Variants in NBEA observed in about 807,000 individuals in gnomAD.
NBEA encodes lysosomal-trafficking regulator 2.
In NBEA, 44 loss-of-function variants were observed where a neutral mutation model predicts 343.4. That is an observed-to-expected ratio of 0.13 (90% CI 0.10 to 0.16). The LOEUF (loss-of-function observed/expected upper bound fraction) is 0.16, where lower values mean the gene tolerates loss of function less well. NBEA is among the 10% of genes least tolerant of loss of function. The probability of loss-of-function intolerance (pLI) is 1.00; values close to 1 mark genes in which losing one functional copy is unlikely to be tolerated. For missense variants in NBEA, 2,555 were observed against 3,631.3 expected (o/e 0.70, Z 7.62); for synonymous variants, 1,175 against 1,238.7 (o/e 0.95, Z 1.08).
chr13:35,054,811 T>C (rs1407590487), intron 6 of NBEA, among the ~76,000 whole-genome samples: 1 of 151,824 alleles, frequency 6.6e-6, no homozygotes, highest in Admixed American at 6.6e-5. Context: ...GCCTGGCTAA[T>C]TTTTGTATTT....
intron 44 of NBEA, among the ~76,000 whole-genome samples, chr13:35,563,131 G>GGAGATAGATAGATAGATA (rs777193081): frequency 0.19 from 20,899 of 107,990 alleles, 1,964 homozygotes; most frequent in Non-Finnish European, 0.26. Context: ...GTGTGTGTGT[G>GGAGATAGATAGATAGATA]GAGATAGATA....
chr13:35,306,814 A>G (rs1387505486), intron 35 of NBEA, among the ~76,000 whole-genome samples: 4 of 151,882 alleles, frequency 2.6e-5, no homozygotes, highest in African/African-American at 7.2e-5. Context: ...GTCCCTTTCT[A>G]TTGCCTCTTT....
At chr13:35,587,817 C>T (rs932954320) in intron 46 of NBEA, among the ~76,000 whole-genome samples, 1 of 152,088 alleles carries the variant, frequency 6.6e-6, no homozygotes, top group Non-Finnish European at 1.5e-5. Context: ...GGAATTCAAA[C>T]TTGAATCTAT....
intron 33 of NBEA, among the ~76,000 whole-genome samples, chr13:35,230,909 T>C (rs2074935931): frequency 6.6e-6 from 1 of 152,040 alleles, no homozygotes; most frequent in Admixed American, 6.6e-5. Flanking sequence ...AGGGTGGGGC[T>C]CAGCAGTCTG....
chr13:35,322,692 A>T (rs982155434), intron 36 of NBEA, among the ~76,000 whole-genome samples: 2 of 152,214 alleles, frequency 1.3e-5, no homozygotes, highest in African/African-American at 4.8e-5. Flanking sequence ...AATTACCTGC[A>T]TACATCTTAA....
chr13:35,295,428 G>A (rs1305396114), intron 35 of NBEA, among the ~76,000 whole-genome samples: 1 of 151,908 alleles, frequency 6.6e-6, no homozygotes, highest in Non-Finnish European at 1.5e-5. Flanking sequence ...TCTTATCTGT[G>A]ATATAATGTC....
chr13:35,219,652 A>T (rs898441519), intron 33 of NBEA, among the ~76,000 whole-genome samples: 3 of 152,120 alleles, frequency 2.0e-5, no homozygotes, highest in Non-Finnish European at 4.4e-5. Flanking sequence ...AGGAGAACCA[A>T]TGTGTAGTTC....
intron 38 of NBEA, among the ~76,000 whole-genome samples, chr13:35,431,890 C>CAA (rs996492137): frequency 2.0e-5 from 3 of 152,138 alleles, no homozygotes; most frequent in African/African-American, 7.2e-5. Flanking sequence ...CCGTGATTTA[C>CAA]AACCCTTGTT....
At chr13:35,235,013 A>G (rs1392671628) in intron 34 of NBEA, among the ~76,000 whole-genome samples, 2 of 152,198 alleles carry the variant, frequency 1.3e-5, no homozygotes, top group African/African-American at 2.4e-5. Flanking sequence ...TCCGAAAACA[A>G]TATTTAGAGG....
At chr13:35,068,218 G>A (rs1332332031) in intron 8 of NBEA, among the ~76,000 whole-genome samples, 1 of 151,922 alleles carries the variant, frequency 6.6e-6, no homozygotes, top group Non-Finnish European at 1.5e-5. Context: ...AACCAAAATA[G>A]CGTATGGTAT....
At chr13:35,488,008 G>A (rs1057453090) in intron 41 of NBEA, among the ~76,000 whole-genome samples, 13 of 151,868 alleles carry the variant, frequency 8.6e-5, no homozygotes, top group African/African-American at 2.9e-4. Context: ...GATAAATGCT[G>A]TATGTCAACA....
chr13:35,583,798 CTAA>C, intron 45 of NBEA, 97 bp from the exon 46 acceptor site: 2 of 862,678 alleles, frequency 2.3e-6, no homozygotes, highest in Non-Finnish European at 3.5e-6. Flanking sequence ...TGCTGTATGG[CTAA>C]AATGAATTAA....
At position 35,467,267 on chromosome 13, in the gene NBEA, T is replaced by A. The variant is rs564601680; in HGVS notation, c.6449-5133T>A. Among the ~76,000 whole-genome samples the A allele has an allele frequency of 3.6e-4, 55 of 151,184 alleles. 1 individual carries two copies. The South Asian group carries it at 4.0e-3, about 11-fold the overall frequency. On this transcript the variant is annotated intron_variant, in intron 40 of 58. Transcript: ENST00000379939. ...GGCGGGCGGATCACAAGGTCAGGAG[T>A]TCAAGACCAGCCTGGCCAACATGGT... is the stretch of plus-strand genomic sequence containing the variant.
At chr13:35,120,531 C>T (rs2066739550) in intron 16 of NBEA, among the ~76,000 whole-genome samples, 1 of 151,986 alleles carries the variant, frequency 6.6e-6, no homozygotes, top group South Asian at 2.1e-4. Context: ...TAGAAAATAG[C>T]CATTAAAGGC....
At chr13:35,291,004 TG>T (rs2035771148) in intron 35 of NBEA, among the ~76,000 whole-genome samples, 1 of 151,762 alleles carries the variant, frequency 6.6e-6, no homozygotes, top group Non-Finnish European at 1.5e-5. Context: ...AAATGATAAT[TG>T]TTGGGTATTG....
chr13:35,343,983 G>C (rs1475750577), intron 36 of NBEA, among the ~76,000 whole-genome samples: 2 of 152,024 alleles, frequency 1.3e-5, no homozygotes, highest in African/African-American at 2.4e-5. Flanking sequence ...TGTCGTCCAT[G>C]AAACTAGTCC....
At chr13:35,328,649 A>G (rs1594236129) in intron 36 of NBEA, among the ~76,000 whole-genome samples, 1 of 151,974 alleles carries the variant, frequency 6.6e-6, no homozygotes, top group East Asian at 1.9e-4. Context: ...ACAAAAATTA[A>G]CATATAAATA....
rs137901422 is a variant in NBEA at position 35,085,065 on chromosome 13, A to G, written c.1572-13232A>G. ...TTGAATCTCTGAATAGACCAATAAC[A>G]GGCTCTGAAATTGAGGCAATAATTA... On this transcript the variant is annotated intron_variant, in intron 10 of 58. Transcript: ENST00000379939. 4.4e-3 allele frequency among the ~76,000 whole-genome samples: 668 copies of G among 152,246 alleles called. 41 individuals carry two copies. In the East Asian group the frequency reaches 0.12, roughly 27 times the overall value.
intron 41 of NBEA, among the ~76,000 whole-genome samples, chr13:35,540,758 T>C (rs1048422026): frequency 3.9e-5 from 6 of 152,174 alleles, no homozygotes; most frequent in Non-Finnish European, 7.4e-5. Context: ...TCTATCCTCA[T>C]TAAGTCCATT....
Sources: allele counts gnomAD v4.1 joint callset (sites outside exome capture counted in the v4.1 genomes callset), GRCh38; gene constraint gnomAD v4.1.1; transcripts MANE v1.5; gene names NCBI Gene and HGNC (gene_info 2026-07-23, HGNC 2026-07-21).